The following ATP8A1 variants were observed in gnomAD, a reference collection of about 807,000 sequenced individuals.
ATP8A1 encodes ATPase phospholipid transporting 8A1.
Under a neutral mutation model 177.7 loss-of-function variants are expected in ATP8A1, and 90 were observed. That is an observed-to-expected ratio of 0.51 (90% confidence interval 0.43 to 0.60). The LOEUF is 0.60. Among genes scored for constraint, ATP8A1 ranks in the 20% least tolerant of loss-of-function variants. The pLI is 0.00. For synonymous variants in ATP8A1, 493 were observed against 485.9 expected (o/e 1.01, Z -0.19); for missense variants, 1,072 against 1,392.8 (o/e 0.77, Z 3.67).
At chr4:42,465,638 G>A (rs1448809845) in intron 25 of ATP8A1, among the ~76,000 whole-genome samples, 2 of 152,208 alleles carry the variant, frequency 1.3e-5, no homozygotes, top group African/African-American at 4.8e-5. Flanking sequence ...TTATACAAAT[G>A]TGGACCAGGA....
chr4:42,615,912 T>G, intron 5 of ATP8A1, 121 bp downstream of exon 5: 1 of 858,936 alleles, frequency 1.2e-6, no homozygotes, highest in Admixed American at 2.6e-5. Flanking sequence ...AAAATCAATC[T>G]ACCCCAAAAC....
At chr4:42,426,966 A>C (rs1426329815) in intron 33 of ATP8A1, among the ~76,000 whole-genome samples, 1 of 152,236 alleles carries the variant, frequency 6.6e-6, no homozygotes, top group Admixed American at 6.5e-5. Flanking sequence ...TTTGGAAGGG[A>C]AAATTATTTG....
At chr4:42,529,892 C>T (rs191785567) in intron 20 of ATP8A1, among the ~76,000 whole-genome samples, 3 of 152,124 alleles carry the variant, frequency 2.0e-5, no homozygotes, top group African/African-American at 4.8e-5. Flanking sequence ...TGGGCTGTAG[C>T]CAATGGTTTG....
intron 27 of ATP8A1, among the ~76,000 whole-genome samples, chr4:42,457,740 C>G (rs888343691): frequency 6.6e-6 from 1 of 152,170 alleles, no homozygotes; most frequent in African/African-American, 2.4e-5. Flanking sequence ...CTACTACGAG[C>G]TTGAAATTTA....
At chr4:42,524,045 AC>A (rs1260782528) in intron 21 of ATP8A1, among the ~76,000 whole-genome samples, 1 of 152,186 alleles carries the variant, frequency 6.6e-6, no homozygotes, top group Non-Finnish European at 1.5e-5. Context: ...TTCAGCTATA[AC>A]TACCATTGTT....
rs750570981 is a variant in ATP8A1 at position 42,464,816 on chromosome 4, G to GA, written c.2509-17dup. 1.3e-5 allele frequency: 21 copies of GA among 1,610,776 alleles called. No homozygotes were observed. The highest frequency in any genetic ancestry group is 1.7e-5 in the Admixed American group (1 of 59,450). ...AATATTTGAACTAAAACAAGAGTGGGAAAAAATTAGTATTTTCCTTTTCAA... is the reference window on the plus strand; with the variant it reads ...AATATTTGAACTAAAACAAGAGTGGGAAAAAAATTAGTATTTTCCTTTTCAA... On this transcript the variant is annotated splice_polypyrimidine_tract_variant and intron_variant, in intron 26 of 36. Coordinates refer to ENST00000381668, the MANE Select transcript of ATP8A1 (RefSeq NM_006095.2).
chr4:42,465,447 G>A (rs1283895582), intron 25 of ATP8A1, among the ~76,000 whole-genome samples: 2 of 152,136 alleles, frequency 1.3e-5, no homozygotes, highest in Non-Finnish European at 2.9e-5. Context: ...ATCCTACATA[G>A]TAGCTGGAAA....
intron 22 of ATP8A1, among the ~76,000 whole-genome samples, chr4:42,520,952 C>G (rs1207595724): frequency 6.6e-6 from 1 of 152,000 alleles, no homozygotes; most frequent in Non-Finnish European, 1.5e-5. Flanking sequence ...ATAAAGAAAA[C>G]CATCTGCAGC....
intron 30 of ATP8A1, among the ~76,000 whole-genome samples, chr4:42,447,269 C>T (rs1577950676): frequency 6.6e-6 from 1 of 152,060 alleles, no homozygotes; most frequent in Non-Finnish European, 1.5e-5. Flanking sequence ...CTGCAACCTC[C>T]GCTCCCGGGT....
chr4:42,652,356 A>G (rs1471248885), intron 1 of ATP8A1, among the ~76,000 whole-genome samples: 1 of 152,204 alleles, frequency 6.6e-6, no homozygotes, highest in Non-Finnish European at 1.5e-5. Context: ...AATCTTCACA[A>G]GCCAGCCCAA....
At chr4:42,444,505 G>T (rs1050233284) in intron 32 of ATP8A1, 73 bp downstream of exon 32, 1 of 1,422,256 alleles carries the variant, frequency 7.0e-7, no homozygotes, top group Non-Finnish European at 9.9e-7. Context: ...TTAGAGTGAA[G>T]ACCACCACCA....
At position 42,656,680 on chromosome 4, in the gene ATP8A1, A is replaced by G. The variant is rs568944852; in HGVS notation, c.49+145T>C. The G allele has an allele frequency of 1.9e-4, 175 of 909,080 alleles. 1 individual carries two copies. The South Asian group carries it at 2.4e-3, about 12-fold the overall frequency. 56.3% of individuals were successfully genotyped at this position (909,080 alleles called of 1,614,324 possible). A position where few individuals can be genotyped will look rare whatever the true frequency, so the allele number is the denominator to read the frequency against. Reference sequence around the variant, plus strand: ...AGTACACTGGGGGCAGCGCGGGGGGAAGGGTCCCCTAGGGGCCGGGCGCGA... The same window carrying G: ...AGTACACTGGGGGCAGCGCGGGGGGGAGGGTCCCCTAGGGGCCGGGCGCGA... On this transcript the variant is annotated intron_variant, in intron 1 of 36. Coordinates refer to ENST00000381668, the MANE Select transcript of ATP8A1 (RefSeq NM_006095.2).
At chr4:42,615,905 A>T in intron 5 of ATP8A1, 128 bp downstream of exon 5, 2 of 794,288 alleles carry the variant, frequency 2.5e-6, no homozygotes, top group Non-Finnish European at 4.0e-6. Context: ...CAAAGCAAAA[A>T]TCAATCTACC....
intron 14 of ATP8A1, among the ~76,000 whole-genome samples, chr4:42,573,205 TCA>T (rs1402336910): frequency 6.6e-6 from 1 of 152,154 alleles, no homozygotes; most frequent in Non-Finnish European, 1.5e-5. Context: ...AATTATAAAA[TCA>T]CACAAAGTAA....
intron 27 of ATP8A1, among the ~76,000 whole-genome samples, chr4:42,462,363 A>C (rs1277138508): frequency 2.0e-5 from 3 of 152,220 alleles, no homozygotes; most frequent in African/African-American, 7.2e-5. Context: ...GTGTGCAGCC[A>C]AGAGACTTGG....
intron 7 of ATP8A1, 81 bp downstream of exon 7, chr4:42,590,730 A>G (rs1228979380): frequency 7.7e-7 from 1 of 1,293,448 alleles, no homozygotes; most frequent in Admixed American, 1.8e-5. Context: ...CACAGAACTC[A>G]ACCATATTTG....
intron 1 of ATP8A1, among the ~76,000 whole-genome samples, chr4:42,656,490 G>C (rs1163055650): frequency 6.6e-6 from 1 of 151,922 alleles, no homozygotes; most frequent in East Asian, 2.0e-4. Context: ...GGGGCGGCGG[G>C]CTGGGGATCT....
chr4:42,503,599 T>C, intron 23 of ATP8A1, 85 bp from the exon 24 acceptor site: 1 of 863,174 alleles, frequency 1.2e-6, no homozygotes, highest in Non-Finnish European at 1.8e-6. Context: ...ACTATGAAAA[T>C]ATCTAAAGAT....
intron 27 of ATP8A1, among the ~76,000 whole-genome samples, chr4:42,459,721 G>C (rs1444012933): frequency 6.6e-6 from 1 of 152,176 alleles, no homozygotes; most frequent in African/African-American, 2.4e-5. Context: ...AAATCTAGCA[G>C]TAATGAACGA....
Sources: allele counts gnomAD v4.1 joint callset (sites outside exome capture counted in the v4.1 genomes callset), GRCh38; gene constraint gnomAD v4.1.1; transcripts MANE v1.5; gene names NCBI Gene and HGNC (gene_info 2026-07-23, HGNC 2026-07-21).